Variants in OMD observed in about 807,000 individuals in gnomAD.
The protein encoded by OMD is osteomodulin.
OMD carries 19 observed loss-of-function variants against 31.2 expected under a neutral mutation model. The observed-to-expected ratio is 0.61, with a 90% confidence interval of 0.42 to 0.89. OMD has a LOEUF of 0.89. Ranked by LOEUF, OMD falls within the 40% of genes least tolerant of loss-of-function variation. The pLI is 0.00. For missense variants in OMD, 448 were observed against 490.8 expected (o/e 0.91, Z 0.82); for synonymous variants, 155 against 166.4 (o/e 0.93, Z 0.53).
chr9:92,417,349 A>G lies in OMD; in HGVS notation c.210T>C (p.Thr70=). ...LGCVSECFCP[T]NFPSSMYCDN... ...CACAGTACATTGATGATGGAAAGTT[A>G]GTTGGACAGAAGCATTCACTGACAC... The change falls in exon 2 of 3, where the codon ACT becomes ACC. Residue 70 remains threonine, a synonymous_variant. Transcript: ENST00000375550. The G allele has an allele frequency of 6.2e-7, 1 of 1,614,080 alleles. No individual in the cohort carries two copies. The highest frequency in any genetic ancestry group is 8.5e-7 in the Non-Finnish European group (1 of 1,179,972).
intron 1 of OMD, among the ~76,000 whole-genome samples, chr9:92,422,933 T>C (rs1843855851): frequency 6.6e-6 from 1 of 152,238 alleles, no homozygotes; most frequent in Non-Finnish European, 1.5e-5. Context: ...TATTGTATAA[T>C]TCATTGTTGA....
chr9:92,422,762 C>A (rs897530373), intron 1 of OMD, among the ~76,000 whole-genome samples: 2 of 152,118 alleles, frequency 1.3e-5, no homozygotes, highest in Non-Finnish European at 2.9e-5. Context: ...CTTGCTCTTT[C>A]CCCAGGATAA....
At chr9:92,421,342 G>A (rs1843787500) in intron 1 of OMD, among the ~76,000 whole-genome samples, 1 of 152,136 alleles carries the variant, frequency 6.6e-6, no homozygotes, top group Non-Finnish European at 1.5e-5. Context: ...CCCCGGCCTT[G>A]GAGGGCCTAA....
rs1437690126 is a variant in OMD at position 92,424,385 on chromosome 9, G to T, written c.-200C>A. ...TACAATCTTCTTGGAAAACACTCGG[G>T]TTGAATTAAAATTATGTATTTCTTT... On this transcript the variant is annotated 5_prime_UTR_variant, in exon 1 of 3. Coordinates refer to ENST00000375550, the MANE Select transcript of OMD (RefSeq NM_005014.3). The T allele has an allele frequency of 6.6e-6, 1 of 152,080 alleles. No individual in the cohort carries two copies. Among genetic ancestry groups the T allele is most frequent in the Non-Finnish European group, 1.5e-5 (1 of 68,018 alleles). The allele number at this position is 152,080 out of a possible 1,614,324, so 9.4% of individuals were successfully genotyped here.
rs777070283 is a variant in OMD, at chr9:92,415,143, A to G, written c.*9T>C. ...TGAAGTCGTAAGTGTATACCTATAT[A>G]GTTTCTTGCTATTCTTGATTTTCAT... On this transcript the variant is annotated 3_prime_UTR_variant, in exon 3 of 3. Coordinates refer to ENST00000375550, the MANE Select transcript of OMD (RefSeq NM_005014.3). The G allele has an allele frequency of 1.3e-6, 2 of 1,592,312 alleles. No individual in the cohort carries two copies. The highest frequency in any genetic ancestry group is 1.8e-5 in the Admixed American group (1 of 55,980).
At chr9:92,421,645 A>G (rs1405395057) in intron 1 of OMD, among the ~76,000 whole-genome samples, 3 of 152,218 alleles carry the variant, frequency 2.0e-5, no homozygotes, top group Non-Finnish European at 4.4e-5. Flanking sequence ...TACAAATATT[A>G]GTAGTTAGTT....
Position 92,417,540 on chromosome 9 carries a change from T to A in OMD, c.19A>T (p.Ile7Leu), listed in dbSNP as rs770074070. 2 of 1,576,640 alleles carry A rather than the reference T, an allele frequency of 1.3e-6. No individual in the cohort carries two copies. Among genetic ancestry groups the A allele is most frequent in the African/African-American group, 1.4e-5 (1 of 72,586 alleles). The change falls in exon 2 of 3, where the codon ATA (isoleucine) becomes TTA (leucine). Residue 7 changes from isoleucine (I) to leucine (L), a missense_variant. Transcript: ENST00000375550. ...CCAAAAAAGAAGAAAATAACATATA[T>A]TGGACTTAAAAAACCCATCTTCTTT... is the stretch of plus-strand genomic sequence containing the variant. MGFLSP[I>L]YVIFFFFGVK...
Position 92,412,976 on chromosome 9 carries a change from T to G in OMD, c.*2176A>C, listed in dbSNP as rs1843486455. On this transcript the variant is annotated 3_prime_UTR_variant, in exon 3 of 3. Transcript: ENST00000375550. The stretch of plus-strand genomic sequence containing the variant: ...ATCGCTGGGTTATATGTAACTAAGC[T>G]TTTTTTTTTTTTTTTTTTTTTTTTT... 5.6e-5 allele frequency among the ~76,000 whole-genome samples: 2 copies of G among 35,418 alleles called. No homozygotes were observed. The highest frequency in any genetic ancestry group is 1.7e-4 in the Non-Finnish European group (2 of 11,906). 23.2% of individuals were successfully genotyped at this position (35,418 alleles called of 152,430 possible).
At position 92,416,878 on chromosome 9, in the gene OMD, C is replaced by T. The variant is rs1843630439; in HGVS notation, c.681G>A (p.Met227Ile). 1.2e-6 allele frequency: 2 copies of T among 1,613,960 alleles called. No individual in the cohort carries two copies. Among genetic ancestry groups the T allele is most frequent in the Non-Finnish European group, 1.7e-6 (2 of 1,179,930 alleles). The change falls in exon 2 of 3, where the codon ATG becomes ATA. Residue 227 changes from methionine to isoleucine, a missense_variant. Physicochemically the swap from Met to Ile is conservative, Grantham distance 10. Coordinates refer to ENST00000375550, the MANE Select transcript of OMD (RefSeq NM_005014.3). Reference protein sequence around the residue: ...LNLCSNRLESMPPGLPSSLMY... With the variant: ...LNLCSNRLESIPPGLPSSLMY... Reference sequence around the variant, plus strand: ...TAAGTGAAGAAGGCAAACCAGGAGGCATTGATTCTAATCTGTTACTGCAGA... The same window carrying T: ...TAAGTGAAGAAGGCAAACCAGGAGGTATTGATTCTAATCTGTTACTGCAGA...
At chr9:92,423,075 T>G (rs1203670715) in intron 1 of OMD, among the ~76,000 whole-genome samples, 1 of 152,202 alleles carries the variant, frequency 6.6e-6, no homozygotes, top group Non-Finnish European at 1.5e-5. Context: ...TCTCTACTAA[T>G]GTTGATTATT....
intron 1 of OMD, 33 bp from the exon 2 acceptor site, chr9:92,417,607 A>G (rs1423996685): frequency 9.7e-6 from 11 of 1,137,502 alleles, no homozygotes; most frequent in Non-Finnish European, 1.4e-5. Flanking sequence ...CATTGTGGAG[A>G]AAGTGAGTAA....
In OMD at chr9:92,415,001, G is replaced by T; in HGVS notation, c.*151C>A. 1 of 535,350 alleles carries T rather than the reference G, an allele frequency of 1.9e-6. No homozygotes were observed. 33.2% of individuals were successfully genotyped at this position (535,350 alleles called of 1,614,324 possible). A position where few individuals can be genotyped will look rare whatever the true frequency, so the allele number is the denominator to read the frequency against. ...GTAAGTTCTAATCCTATGAAATGAT[G>T]CAGATGTCACCAACAACTTAAATTC... On this transcript the variant is annotated 3_prime_UTR_variant, in exon 3 of 3. Coordinates refer to ENST00000375550, the MANE Select transcript of OMD (RefSeq NM_005014.3).
chr9:92,414,024 T>C lies in OMD; in HGVS notation c.*1128A>G, dbSNP rs1205484467. Among the ~76,000 whole-genome samples the C allele has an allele frequency of 6.6e-6, 1 of 152,208 alleles. No homozygotes were observed. Among genetic ancestry groups the C allele is most frequent in the Non-Finnish European group, 1.5e-5 (1 of 68,034 alleles). On this transcript the variant is annotated 3_prime_UTR_variant, in exon 3 of 3. Coordinates refer to ENST00000375550, the MANE Select transcript of OMD (RefSeq NM_005014.3). ...GCCCTAGATTGGTATTTGTCCCTTA[T>C]CTGAGAAATTCTATGAAACATTAGC... is the stretch of plus-strand genomic sequence containing the variant.
chr9:92,422,701 G>C (rs552706010), intron 1 of OMD, among the ~76,000 whole-genome samples: 1 of 152,072 alleles, frequency 6.6e-6, no homozygotes, highest in African/African-American at 2.4e-5. Context: ...GCAGTTTTCT[G>C]TTTTGAAATC....
intron 2 of OMD, among the ~76,000 whole-genome samples, chr9:92,415,783 C>G (rs1462135003): frequency 4.7e-5 from 7 of 147,406 alleles, no homozygotes; most frequent in African/African-American, 1.7e-4. Context: ...TTCATGTACT[C>G]TATTATTTCT....
chr9:92,416,022 A>G (rs1564308955), intron 2 of OMD, among the ~76,000 whole-genome samples: 2 of 140,918 alleles, frequency 1.4e-5, no homozygotes, highest in African/African-American at 5.1e-5. Context: ...GAGAATATAT[A>G]TTTTTTATAT....
At chr9:92,416,103 ATTT>A (rs1196539814) in intron 2 of OMD, among the ~76,000 whole-genome samples, 1 of 128,498 alleles carries the variant, frequency 7.8e-6, no homozygotes, top group African/African-American at 2.8e-5. Context: ...TATTTATTTT[ATTT>A]TTTTTTTTTT....
rs565764969 is a variant in OMD, at chr9:92,413,553, A to G, written c.*1599T>C. On this transcript the variant is annotated 3_prime_UTR_variant, in exon 3 of 3. Coordinates refer to ENST00000375550, the MANE Select transcript of OMD (RefSeq NM_005014.3). ...TTCTAAAACACCTATAGTATTTTCC[A>G]CGTATTAACTCTTAATGTTTGAATT... Among the ~76,000 whole-genome samples, 3 of 152,298 alleles carry G rather than the reference A, an allele frequency of 2.0e-5. No individual in the cohort carries two copies. The East Asian group carries it at 5.8e-4, about 29-fold the overall frequency.
Position 92,417,548 on chromosome 9 carries a change from A to C in OMD, c.11T>G (p.Leu4Ter). MGF[L>*]SPIYVIFFFF... ...GAAGAAAATAACATATATTGGACTT[A>C]AAAAACCCATCTTCTTTTTTTTTTT... The change falls in exon 2 of 3, where the codon TTA becomes TGA. Residue 4 changes from leucine to a stop codon, truncating the protein, a stop_gained. Coordinates refer to ENST00000375550, the MANE Select transcript of OMD (RefSeq NM_005014.3). LOFTEE classifies it high-confidence loss of function. 6.4e-7 allele frequency: 1 copy of C among 1,565,832 alleles called. No individual in the cohort carries two copies. Among genetic ancestry groups the C allele is most frequent in the Non-Finnish European group, 8.6e-7 (1 of 1,160,970 alleles).
Sources: allele counts gnomAD v4.1 joint callset (sites outside exome capture counted in the v4.1 genomes callset), GRCh38; gene constraint gnomAD v4.1.1; transcripts MANE v1.5; gene names NCBI Gene and HGNC (gene_info 2026-07-23, HGNC 2026-07-21).